Variants in KCNN1 observed in about 807,000 individuals in gnomAD.
KCNN1 encodes the protein potassium calcium-activated channel subfamily N member 1.
KCNN1 carries 20 observed loss-of-function variants against 44.7 expected under a neutral mutation model. The ratio of observed to expected loss-of-function variants is 0.45; its 90% CI spans 0.32 to 0.65. The LOEUF (loss-of-function observed/expected upper bound fraction) is 0.65. Ranked by LOEUF, KCNN1 falls within the 30% of genes least tolerant of loss-of-function variation. The pLI is 0.05. For synonymous variants in KCNN1, 324 were observed against 341.7 expected, an observed-to-expected ratio of 0.95 and a Z score of 0.57; for missense variants, 632 against 785.3, an observed-to-expected ratio of 0.80 and a Z score of 2.33.
intron 1 of KCNN1, among the ~76,000 whole-genome samples, chr19:17,970,334 TG>T (rs1391389388): frequency 1.0e-5 from 1 of 97,716 alleles, no homozygotes; most frequent in Non-Finnish European, 1.9e-5. Flanking sequence ...TTTTTTTTTT[TG>T]GAGACAGGGT....
Position 17,975,075 on chromosome 19 carries a change from T to C in KCNN1, c.403-17T>C, listed in dbSNP as rs1377032954. ...CGCCTCCAGCGTCCATCTGGCTGTG[T>C]CCTCTCTCTTTACCAGGAGTCTCTG... On this transcript the variant is annotated splice_polypyrimidine_tract_variant and intron_variant, in intron 2 of 9. Coordinates refer to ENST00000684775, the MANE Select transcript of KCNN1 (RefSeq NM_001386974.1). The C allele has an allele frequency of 6.2e-7, 1 of 1,605,600 alleles. No homozygotes were observed.
chr19:17,987,833 T>A (rs1599371856), intron 5 of KCNN1, among the ~76,000 whole-genome samples: 2 of 91,540 alleles, frequency 2.2e-5, no homozygotes, highest in Admixed American at 1.5e-4. Context: ...CCCATATCGC[T>A]ACCAAAAAAA....
intron 9 of KCNN1, among the ~76,000 whole-genome samples, chr19:17,996,284 A>T (rs2032990815): frequency 6.6e-6 from 1 of 151,694 alleles, no homozygotes; most frequent in African/African-American, 2.4e-5. Context: ...CCAGTCTGGG[A>T]GACAGAGCAA....
Position 17,973,817 on chromosome 19 carries a change from G to A in KCNN1, c.-72G>A, listed in dbSNP as rs1185493136. 4 of 1,525,670 alleles carry A rather than the reference G, an allele frequency of 2.6e-6. No individual in the cohort carries two copies. The highest frequency in any genetic ancestry group is 3.5e-6 in the Non-Finnish European group (4 of 1,141,226). The allele number at this position is 1,525,670 out of a possible 1,614,324, so 94.5% of individuals were successfully genotyped here. The stretch of plus-strand genomic sequence containing the variant: ...CTCTGTGCCCTTGCAGGTCAGTGCA[G>A]GAGCCCAGCCGCTGAGCCATGCCGG... On this transcript the variant is annotated 5_prime_UTR_variant, in exon 2 of 10. Coordinates refer to ENST00000684775, the MANE Select transcript of KCNN1 (RefSeq NM_001386974.1).
chr19:17,985,875 G>A (rs144527428), intron 5 of KCNN1, among the ~76,000 whole-genome samples: 122 of 152,338 alleles, frequency 8.0e-4, no homozygotes, highest in African/African-American at 2.6e-3. Flanking sequence ...TGCTTTGCAA[G>A]GGCTAAGTCG....
intron 5 of KCNN1, among the ~76,000 whole-genome samples, chr19:17,986,623 C>T (rs902935672): frequency 1.3e-5 from 2 of 152,196 alleles, no homozygotes; most frequent in African/African-American, 4.8e-5. Flanking sequence ...TCTCTCCAGA[C>T]ATGTTTTATG....
At position 17,993,474 on chromosome 19, in the gene KCNN1, C is replaced by T. The variant is rs778904032; in HGVS notation, c.1308-16C>T. On this transcript the variant is annotated splice_polypyrimidine_tract_variant and intron_variant, in intron 8 of 9. Transcript: ENST00000684775. The surrounding 1 kb of genome is among the most constrained non-coding windows in gnomAD (Gnocchi z 4.5). ...GAACCTGCCTAACCCCCTCCCCCAA[C>T]CCCGTGTCCCCACAGGCTCCGGAGT... 8.1e-6 allele frequency: 13 copies of T among 1,609,894 alleles called. No individual in the cohort carries two copies. The highest frequency in any genetic ancestry group is 1.7e-4 in the Middle Eastern group (1 of 6,054).
intron 7 of KCNN1, among the ~76,000 whole-genome samples, chr19:17,992,239 C>G (rs916678082): frequency 6.6e-6 from 1 of 151,954 alleles, no homozygotes; most frequent in Non-Finnish European, 1.5e-5. Flanking sequence ...AGGAGAATCA[C>G]GTGAACCTGG....
Position 17,981,862 on chromosome 19 carries a change from G to C in KCNN1, c.652G>C (p.Ala218Pro). ...GACGGCGCGGCTGGCCTTCACGTAC[G>C]CGCCCTCGGTGGCCGAGGCCGACGT... Reference protein sequence around the residue: ...TWTARLAFTYAPSVAEADVDV... With the variant: ...TWTARLAFTYPPSVAEADVDV... The change falls in exon 4 of 10, where the codon GCG becomes CCG. Residue 218 changes from alanine to proline, a missense_variant. By Grantham distance (27) the Ala-to-Pro change is conservative (BLOSUM62 -1). This residue lies in a region of KCNN1 where 160 missense variants were observed against 308.3 expected (regional missense o/e 0.52). Coordinates refer to ENST00000684775, the MANE Select transcript of KCNN1 (RefSeq NM_001386974.1). 6.2e-7 allele frequency: 1 copy of C among 1,612,552 alleles called. No homozygotes were observed. The highest frequency in any genetic ancestry group is 8.5e-7 in the Non-Finnish European group (1 of 1,179,248).
chr19:17,988,864 T>C (rs1053516629), intron 6 of KCNN1, among the ~76,000 whole-genome samples: 11 of 149,842 alleles, frequency 7.3e-5, no homozygotes, highest in African/African-American at 2.7e-4. Flanking sequence ...TAAGCCAAGA[T>C]GGCACCACTG....
At chr19:17,990,376 C>T (rs2032745365) in intron 7 of KCNN1, among the ~76,000 whole-genome samples, 2 of 150,272 alleles carry the variant, frequency 1.3e-5, no homozygotes. Flanking sequence ...CCCAGATACT[C>T]GGGAGGCTGA....
At chr19:17,967,352 C>G in intron 1 of KCNN1, 35 bp downstream of exon 1, 1 of 975,080 alleles carries the variant, frequency 1.0e-6, no homozygotes. Flanking sequence ...GCGGGAGGAT[C>G]CAGGATCTGC....
At chr19:17,985,643 C>G (rs751655240) in intron 5 of KCNN1, among the ~76,000 whole-genome samples, 190 bp downstream of exon 5, 9 of 152,238 alleles carry the variant, frequency 5.9e-5, no homozygotes, top group African/African-American at 2.2e-4. Context: ...GGAAGCCACA[C>G]CCACAGGCTT....
rs34295668 is a variant in KCNN1 at position 17,986,362 on chromosome 19, C to CA, written c.1059+923dup. ...TGGGCAACCAGAGTGAACTAAGTCT[C>CA]AAAAAAAAAAAAAAGAAAAAAGAAA... On this transcript the variant is annotated intron_variant, in intron 5 of 9. Transcript: ENST00000684775. 1.5e-3 allele frequency among the ~76,000 whole-genome samples: 206 copies of CA among 140,408 alleles called. 1 individual carries two copies. The highest frequency in any genetic ancestry group is 0.011 in the South Asian group (47 of 4,366). 92.1% of individuals were successfully genotyped at this position (140,408 alleles called of 152,430 possible).
At chr19:17,971,671 T>A (rs1228670715) in intron 1 of KCNN1, among the ~76,000 whole-genome samples, 2 of 150,350 alleles carry the variant, frequency 1.3e-5, no homozygotes, top group Non-Finnish European at 3.0e-5. Flanking sequence ...ACCATGTTGG[T>A]CAGGCTGGTC....
chr19:17,990,757 G>A (rs1256553475), intron 7 of KCNN1, among the ~76,000 whole-genome samples: 6 of 145,826 alleles, frequency 4.1e-5, no homozygotes, highest in East Asian at 2.0e-4. Flanking sequence ...CTGAGATTGC[G>A]CCGCTGCACT....
rs762051128 is a variant in KCNN1 at position 17,998,330 on chromosome 19, G to A, written c.1556G>A (p.Gly519Asp). The A allele has an allele frequency of 4.6e-6, 7 of 1,532,648 alleles. No individual in the cohort carries two copies. The South Asian group carries it at 8.3e-5, about 18-fold the overall frequency. The allele number at this position is 1,532,648 out of a possible 1,614,324, so 94.9% of individuals were successfully genotyped here. ...PPPPPLPPRP[G>D]PGPQDQAARS... is the part of the protein sequence containing the mutation. ...CCGCCTCCCCTGCCTCCCAGGCCCGGCCCCGGCCCCCAAGACCAGGCAGCC... is the reference window on the plus strand; with the variant it reads ...CCGCCTCCCCTGCCTCCCAGGCCCGACCCCGGCCCCCAAGACCAGGCAGCC... Residue 519 changes from glycine (G) to aspartate (D), a missense_variant, in exon 10 of 10, where the codon GGC (glycine) becomes GAC (aspartate). Gly to Asp is a moderately conservative substitution (Grantham distance 94). Coordinates refer to ENST00000684775, the MANE Select transcript of KCNN1 (RefSeq NM_001386974.1). This position sits in a 1 kb window ranked among gnomAD's most constrained non-coding sequence, Gnocchi z 5.4.
intron 4 of KCNN1, among the ~76,000 whole-genome samples, chr19:17,982,416 G>A (rs1216062476): frequency 6.6e-6 from 1 of 152,006 alleles, no homozygotes. Context: ...CCTTCTCCCA[G>A]CCCCTCGGCT....
intron 3 of KCNN1, among the ~76,000 whole-genome samples, chr19:17,979,615 A>G (rs2032330007): frequency 6.6e-6 from 1 of 151,564 alleles, no homozygotes; most frequent in Non-Finnish European, 1.5e-5. Context: ...TCCGTAACTG[A>G]CAGATGTTAT....
Sources: gnomAD v4.1 joint callset for allele counts (sites outside exome capture counted in the v4.1 genomes callset) on GRCh38, gnomAD v4.1.1 for gene constraint, gnomAD v4.1.1 regional missense constraint, Gnocchi (gnomAD v3.1) non-coding constraint, MANE v1.5 for transcripts, NCBI Gene and HGNC (gene_info 2026-07-23, HGNC 2026-07-21) for gene names.